The following SLC37A1 variants were observed in gnomAD, a reference collection of about 807,000 sequenced individuals.
SLC37A1 encodes the protein solute carrier family 37 member 1, also known as glucose-6-phosphate exchanger SLC37A1.
SLC37A1 carries 49 observed loss-of-function variants against 75.3 expected under a neutral mutation model. The ratio of observed to expected loss-of-function variants is 0.65; its 90% CI spans 0.52 to 0.83. The LOEUF (loss-of-function observed/expected upper bound fraction) is 0.83. Among genes scored for constraint, SLC37A1 ranks in the 40% least tolerant of loss-of-function variants. The pLI, the probability that SLC37A1 is intolerant of heterozygous loss-of-function variation, is 0.00. For missense variants in SLC37A1, 566 were observed against 695.0 expected, an observed-to-expected ratio of 0.81 and a Z score of 2.09; for synonymous variants, 268 against 292.1, an observed-to-expected ratio of 0.92 and a Z score of 0.84.
At position 42,514,350 on chromosome 21, in the gene SLC37A1, C is replaced by A. The variant is rs984215657; in HGVS notation, c.-546C>A. 1 of 151,996 alleles carries A rather than the reference C, an allele frequency of 6.6e-6. No homozygotes were observed. The highest frequency in any genetic ancestry group is 1.5e-5 in the Non-Finnish European group (1 of 68,010). The allele number at this position is 151,996 out of a possible 1,614,324, so 9.4% of individuals were successfully genotyped here. ...GCGAGCTTAGCTGTCCAGCCGGGTCCCCTGCCCACCCCGGCCCGGGCCGCG... is the reference window on the plus strand; with the variant it reads ...GCGAGCTTAGCTGTCCAGCCGGGTCACCTGCCCACCCCGGCCCGGGCCGCG... On this transcript the variant is annotated 5_prime_UTR_variant, in exon 1 of 20. Transcript: ENST00000352133. This position sits in a 1 kb window ranked among gnomAD's most constrained non-coding sequence, Gnocchi z 4.8.
In SLC37A1 at chr21:42,562,171, G is replaced by C. The variant is rs779535784; in HGVS notation, c.1072+3G>C. ...GCCCCTGTACATCACGAATGTGGGT[G>C]AGTATCCACGCTAGAACACATTAAA... is the stretch of plus-strand genomic sequence containing the variant. On this transcript the variant is annotated splice_donor_region_variant and intron_variant, in intron 12 of 19. Transcript: ENST00000352133. The C allele has an allele frequency of 6.2e-7, 1 of 1,613,274 alleles. No homozygotes were observed. The highest frequency in any genetic ancestry group is 1.3e-5 in the African/African-American group (1 of 74,910).
intron 4 of SLC37A1, 125 bp downstream of exon 4, chr21:42,534,955 C>T: frequency 7.6e-7 from 1 of 1,322,114 alleles, no homozygotes; most frequent in African/African-American, 1.5e-5. Context: ...CCCTCTCCTA[C>T]CAAAAAGCAC....
rs768140563 is a variant in SLC37A1, at chr21:42,567,566, G to A, written c.1344+508G>A. Among the ~76,000 whole-genome samples, 33 of 152,214 alleles carry A rather than the reference G, an allele frequency of 2.2e-4. 1 individual carries two copies. The highest frequency in any genetic ancestry group is 2.1e-3 in the Admixed American group (32 of 15,278). On this transcript the variant is annotated intron_variant, in intron 16 of 19. Transcript: ENST00000352133. ...ACCATTAGCAATGGTCAGCCTTCAC[G>A]GGGTAGAGGCAGAGGAGAGACTTTC...
At chr21:42,577,143 T>C (rs1343469121) in intron 18 of SLC37A1, among the ~76,000 whole-genome samples, 1 of 152,196 alleles carries the variant, frequency 6.6e-6, no homozygotes, top group African/African-American at 2.4e-5. Flanking sequence ...CAAAAATTGC[T>C]AAACAATGTA....
chr21:42,563,384 C>T (rs952542138), intron 12 of SLC37A1, among the ~76,000 whole-genome samples: 1 of 152,202 alleles, frequency 6.6e-6, no homozygotes, highest in African/African-American at 2.4e-5. Context: ...TGGCTCAGTC[C>T]ACCTTAAAGC....
chr21:42,516,321 C>T (rs1027766815), intron 1 of SLC37A1, among the ~76,000 whole-genome samples: 3 of 152,204 alleles, frequency 2.0e-5, no homozygotes, highest in Non-Finnish European at 4.4e-5. Flanking sequence ...AAACTGGAAT[C>T]TGCCCCACTT....
intron 17 of SLC37A1, among the ~76,000 whole-genome samples, chr21:42,571,947 G>A (rs894355857): frequency 6.6e-6 from 1 of 152,208 alleles, no homozygotes; most frequent in Middle Eastern, 3.4e-3. Context: ...CTGTCACCAC[G>A]GTGCTGGGAG....
intron 3 of SLC37A1, among the ~76,000 whole-genome samples, chr21:42,532,743 G>T (rs1425425178): frequency 6.6e-6 from 1 of 152,104 alleles, no homozygotes; most frequent in Admixed American, 6.5e-5. Flanking sequence ...CAGCCAGGGG[G>T]ACCCAAGCAG....
Position 42,527,880 on chromosome 21 carries a change from A to G in SLC37A1, c.138+2023A>G, listed in dbSNP as rs540368825. On this transcript the variant is annotated intron_variant, in intron 3 of 19. Transcript: ENST00000352133. The stretch of plus-strand genomic sequence containing the variant: ...AAGATAGATCAGAACATCACACCAC[A>G]TCAAAACTAAACTTTATAGTGCCTT... Among the ~76,000 whole-genome samples the G allele has an allele frequency of 1.6e-4, 24 of 152,314 alleles. No individual in the cohort carries two copies. In the South Asian group the frequency reaches 4.8e-3, roughly 30 times the overall value.
chr21:42,554,180 A>T (rs752124960), intron 10 of SLC37A1, 38 bp downstream of exon 10: 1 of 1,594,138 alleles, frequency 6.3e-7, no homozygotes, highest in South Asian at 1.1e-5. Flanking sequence ...AGAATGTCGG[A>T]GCTGCAGGAA....
intron 2 of SLC37A1, among the ~76,000 whole-genome samples, chr21:42,522,023 G>A (rs1045668349): frequency 5.3e-5 from 8 of 152,192 alleles, no homozygotes; most frequent in Admixed American, 5.2e-4. Flanking sequence ...TGCTGCTGCC[G>A]CCGTTCTTGG....
rs757553257 is a variant in SLC37A1 at position 42,563,850 on chromosome 21, A to T, written c.1108A>T (p.Thr370Ser). ...LDAKKAGELS[T>S]LFDVGGIFGG... ...TGCCAAAAAGGCGGGGGAGCTCTCC[A>T]CCCTGTTTGACGTGGGCGGAATCTT... is the stretch of plus-strand genomic sequence containing the variant. Residue 370 changes from threonine to serine, a missense_variant, in exon 13 of 20, where the codon ACC (threonine) becomes TCC (serine). By Grantham distance (58) the Thr-to-Ser change is moderately conservative. Transcript: ENST00000352133. The T allele has an allele frequency of 9.2e-5, 149 of 1,614,004 alleles. No individual in the cohort carries two copies. Among genetic ancestry groups the T allele is most frequent in the Non-Finnish European group, 1.1e-4 (126 of 1,180,022 alleles).
intron 2 of SLC37A1, among the ~76,000 whole-genome samples, chr21:42,507,108 C>T (rs759064058): frequency 6.6e-6 from 1 of 152,164 alleles, no homozygotes; most frequent in East Asian, 1.9e-4. Context: ...GTCTTGAACT[C>T]GTGAGCTCAG....
intron 17 of SLC37A1, among the ~76,000 whole-genome samples, chr21:42,573,393 C>CT (rs1180722778): frequency 6.6e-6 from 1 of 152,188 alleles, no homozygotes; most frequent in East Asian, 1.9e-4. Flanking sequence ...CCAGGTGTCC[C>CT]TGTGCTGTCT....
rs532044903 is a variant in SLC37A1 at position 42,535,086 on chromosome 21, G to A, written c.271+256G>A. ...TGCATTTTGTATTTTGGACTTGCAG[G>A]GCATAGTTCTGTGGGTGAGAAGAAG... On this transcript the variant is annotated intron_variant, in intron 4 of 19. Coordinates refer to ENST00000352133, the MANE Select transcript of SLC37A1 (RefSeq NM_001320537.2). Among the ~76,000 whole-genome samples, 8 of 152,334 alleles carry A rather than the reference G, an allele frequency of 5.3e-5. No individual in the cohort carries two copies. The South Asian group carries it at 1.7e-3, about 32-fold the overall frequency.
chr21:42,559,320 T>C (rs547316199), intron 11 of SLC37A1, among the ~76,000 whole-genome samples: 1 of 101,610 alleles, frequency 9.8e-6, no homozygotes, highest in African/African-American at 4.2e-5. Context: ...ATTCGTTTTC[T>C]CCATTTAGAA....
chr21:42,576,024 C>A, intron 18 of SLC37A1: 2 of 901,418 alleles, frequency 2.2e-6, no homozygotes, highest in Non-Finnish European at 1.3e-6. Flanking sequence ...GATGCTTAGC[C>A]AAACTCATAA....
At chr21:42,519,994 A>C (rs2054609186) in intron 2 of SLC37A1, among the ~76,000 whole-genome samples, 1 of 150,828 alleles carries the variant, frequency 6.6e-6, no homozygotes, top group Non-Finnish European at 1.5e-5. Flanking sequence ...GCATGTGTGT[A>C]GATGTATGTT....
chr21:42,513,496 C>G (rs938088435), upstream of SLC37A1, among the ~76,000 whole-genome samples: 1 of 151,520 alleles, frequency 6.6e-6, no homozygotes, highest in East Asian at 2.0e-4. Flanking sequence ...GGCATGTGAC[C>G]CTCGCCGCCT....
Sources: gnomAD v4.1 joint callset for allele counts (sites outside exome capture counted in the v4.1 genomes callset) on GRCh38, gnomAD v4.1.1 for gene constraint, Gnocchi (gnomAD v3.1) non-coding constraint, MANE v1.5 for transcripts, NCBI Gene and HGNC (gene_info 2026-07-23, HGNC 2026-07-21) for gene names.